The following MRTFB variants were observed in gnomAD, a reference collection of about 807,000 sequenced individuals.
MRTFB encodes myocardin-related transcription factor B.
A neutral mutation model predicts 104.2 loss-of-function variants in MRTFB; 29 were observed. That is an observed-to-expected ratio of 0.28 (90% CI 0.21 to 0.38). The LOEUF (loss-of-function observed/expected upper bound fraction) is 0.38, where lower values mean the gene tolerates loss of function less well. MRTFB is among the 10% of genes least tolerant of loss of function. MRTFB has a pLI of 1.00. For missense variants in MRTFB, 1,270 were observed against 1,341.6 expected (o/e 0.95, Z 0.83); for synonymous variants, 535 against 519.5 (o/e 1.03, Z -0.41).
chr16:14,018,509 C>A, the MRTFB span, among the ~76,000 whole-genome samples: 1 of 152,150 alleles, frequency 6.6e-6, no homozygotes, highest in African/African-American at 2.4e-5. Context: ...ATCTTCTGGA[C>A]TACGTATTAT....
In MRTFB at chr16:14,110,667, A is replaced by G. The variant is rs180723485; in HGVS notation, c.-63-29877A>G. ...GCTTGAAACTCATCCACAGCATGCC[A>G]TCAGTCACCAGGTTCTGTCCATTTT... On this transcript the variant is annotated intron_variant, in intron 2 of 16. Transcript: ENST00000571589. Among the ~76,000 whole-genome samples the G allele has an allele frequency of 1.9e-3, 293 of 152,228 alleles. 4 individuals carry two copies. Among genetic ancestry groups the G allele is most frequent in the Admixed American group, 0.013 (205 of 15,292 alleles).
Position 14,177,444 on chromosome 16 carries a change from G to T in MRTFB, c.155-32799G>T, listed in dbSNP as rs2150994870. On this transcript the variant is annotated intron_variant, in intron 3 of 16. Transcript: ENST00000571589. This position sits in a 1 kb window ranked among gnomAD's most constrained non-coding sequence, Gnocchi z 4.7. ...CTCCCTGTTGAGTGTTTTGGGTTTT[G>T]TTTGTTTGTTTTTTAATCTTTGTTT... Among the ~76,000 whole-genome samples, 2 of 152,110 alleles carry T rather than the reference G, an allele frequency of 1.3e-5. 1 individual carries two copies. The highest frequency in any genetic ancestry group is 4.1e-4 in the South Asian group (2 of 4,822).
At chr16:14,151,783 C>A (rs1255893454) in intron 3 of MRTFB, 1 of 152,088 alleles carries the variant, frequency 6.6e-6, no homozygotes, top group Non-Finnish European at 1.5e-5. Context: ...GGGCATCAGT[C>A]AGTGTCTACA....
rs30125 is a variant in MRTFB, at chr16:14,260,804, A to C, written c.2765-105A>C. ...CTTCCTACTTCTAAGACGGACGTGC[A>C]TAGAAGGAATCGCATAATAGCAATG... On this transcript the variant is annotated intron_variant, in intron 16 of 16. Transcript: ENST00000571589. 1.2e-5 allele frequency: 11 copies of C among 926,282 alleles called. No individual in the cohort carries two copies. The African/African-American group carries it at 1.9e-4, about 16-fold the overall frequency. 57.4% of individuals were successfully genotyped at this position (926,282 alleles called of 1,614,324 possible). A position where few individuals can be genotyped will look rare whatever the true frequency, so the allele number is the denominator to read the frequency against.
At chr16:14,042,701 G>A in the MRTFB span, among the ~76,000 whole-genome samples, 14 of 152,130 alleles carry the variant, frequency 9.2e-5, 1 homozygote, top group Admixed American at 9.2e-4. Context: ...AAGAAAGGAA[G>A]GGGGGAAGAA....
rs138250188 is a variant in MRTFB, at chr16:14,220,662, C to G, written c.693+1664C>G. Among the ~76,000 whole-genome samples the G allele has an allele frequency of 2.5e-3, 385 of 152,346 alleles. 1 individual carries two copies. Among genetic ancestry groups the G allele is most frequent in the African/African-American group, 8.8e-3 (365 of 41,588 alleles). On this transcript the variant is annotated intron_variant, in intron 8 of 16. Transcript: ENST00000571589. The stretch of plus-strand genomic sequence containing the variant: ...TATGGTCTGTTTATTCCCAGTGCAA[C>G]ACACATTAAGCCTTGGGTCATTCCT...
chr16:14,158,722 T>C (rs2038920307), intron 3 of MRTFB, among the ~76,000 whole-genome samples: 1 of 152,182 alleles, frequency 6.6e-6, no homozygotes, highest in Admixed American at 6.5e-5. Flanking sequence ...ATAGTTTTAT[T>C]TTAAAAGTCT....
intron 10 of MRTFB, among the ~76,000 whole-genome samples, chr16:14,244,548 G>A (rs1344057991): frequency 1.3e-5 from 2 of 152,198 alleles, no homozygotes. Flanking sequence ...GTGTGTGATT[G>A]TTCTGGTTGT....
chr16:14,035,042 G>A, the MRTFB span, among the ~76,000 whole-genome samples: 1 of 152,220 alleles, frequency 6.6e-6, no homozygotes, highest in Non-Finnish European at 1.5e-5. Context: ...TGGTCGGAAA[G>A]TACCTGGCCT....
intron 2 of MRTFB, among the ~76,000 whole-genome samples, chr16:14,135,451 G>A (rs918669740): frequency 1.3e-5 from 2 of 152,158 alleles, no homozygotes; most frequent in African/African-American, 2.4e-5. Context: ...GTAACATGCC[G>A]TACAGGTTTT....
At chr16:14,191,493 G>A (rs780552944) in intron 3 of MRTFB, among the ~76,000 whole-genome samples, 4 of 152,186 alleles carry the variant, frequency 2.6e-5, no homozygotes, top group African/African-American at 7.2e-5. Context: ...TTATGCTAGT[G>A]TAATATAGAG....
intron 2 of MRTFB, among the ~76,000 whole-genome samples, chr16:14,107,704 C>G (rs912124573): frequency 1.3e-5 from 2 of 152,146 alleles, no homozygotes; most frequent in Non-Finnish European, 2.9e-5. Flanking sequence ...ATGAGCTCCT[C>G]CACCTCCGTG....
chr16:14,258,109 C>T lies in MRTFB; in HGVS notation c.2712C>T (p.Asn904=), dbSNP rs372284751. Residue 904 remains asparagine, a synonymous_variant, in exon 16 of 17, where the codon AAC becomes AAT. Transcript: ENST00000571589. ...ACTCTCCTTCATTGTAGATTTCCAA[C>T]GCTCACAGTCAGCAGATGGATGACC... is the stretch of plus-strand genomic sequence containing the variant. The part of the protein sequence containing the change: ...STQAPLPEIS[N]AHSQQMDDLF... 45 of 1,613,622 alleles carry T rather than the reference C, an allele frequency of 2.8e-5. 1 individual carries two copies. Among genetic ancestry groups the T allele is most frequent in the South Asian group, 1.6e-4 (15 of 91,058 alleles).
the MRTFB span, among the ~76,000 whole-genome samples, chr16:14,004,979 C>A: frequency 6.6e-6 from 1 of 152,242 alleles, no homozygotes; most frequent in African/African-American, 2.4e-5. Context: ...AATCTCACTG[C>A]CAAGGGCCTG....
At chr16:14,036,066 T>C in the MRTFB span, among the ~76,000 whole-genome samples, 2 of 141,810 alleles carry the variant, frequency 1.4e-5, no homozygotes, top group Admixed American at 7.8e-5. Flanking sequence ...TTCATTCCTT[T>C]TTATGGCTGA....
At chr16:14,260,880 T>G (rs574113845) in intron 16 of MRTFB, 29 bp from the exon 17 acceptor site, 1 of 1,551,332 alleles carries the variant, frequency 6.4e-7, no homozygotes, top group African/African-American at 1.4e-5. Flanking sequence ...AAATCTTCAG[T>G]TACTAATTAC....
intron 8 of MRTFB, among the ~76,000 whole-genome samples, chr16:14,232,973 T>G (rs2042331345): frequency 6.6e-6 from 1 of 152,208 alleles, no homozygotes; most frequent in African/African-American, 2.4e-5. Flanking sequence ...TTCCTTAAGA[T>G]AAGGGTGGTG....
chr16:14,217,414 A>C, intron 7 of MRTFB, 127 bp downstream of exon 7: 6 of 765,846 alleles, frequency 7.8e-6, no homozygotes, highest in Non-Finnish European at 1.2e-5. Flanking sequence ...AGAAATTAAC[A>C]CAGTGATTTG....
intron 16 of MRTFB, among the ~76,000 whole-genome samples, chr16:14,259,245 G>A (rs2043654267): frequency 6.6e-6 from 1 of 151,998 alleles, no homozygotes; most frequent in Non-Finnish European, 1.5e-5. Context: ...GACCAGCCTG[G>A]CCAACATGGT....
Sources: allele counts gnomAD v4.1 joint callset (sites outside exome capture counted in the v4.1 genomes callset), GRCh38; gene constraint gnomAD v4.1.1; non-coding constraint Gnocchi (gnomAD v3.1); transcripts MANE v1.5; gene names NCBI Gene and HGNC (gene_info 2026-07-23, HGNC 2026-07-21).